Variants in BACE2 observed in about 807,000 individuals in gnomAD.
BACE2 encodes 56 kDa aspartic-like protease.
A neutral mutation model predicts 46.2 loss-of-function variants in BACE2; 17 were observed. The observed-to-expected ratio is 0.37, with a 90% CI of 0.25 to 0.55. BACE2 has a LOEUF of 0.55. BACE2 is among the 20% of genes least tolerant of loss of function. The pLI is 0.82. For synonymous variants in BACE2, 277 were observed against 295.9 expected, an observed-to-expected ratio of 0.94 and a Z score of 0.66; for missense variants, 595 against 698.1, an observed-to-expected ratio of 0.85 and a Z score of 1.66.
chr21:41,200,488 G>A lies in BACE2; in HGVS notation c.313-25778G>A, dbSNP rs188494932. Among the ~76,000 whole-genome samples, 10 of 152,264 alleles carry A rather than the reference G, an allele frequency of 6.6e-5. No individual in the cohort carries two copies. The East Asian group carries it at 1.9e-3, about 29-fold the overall frequency. Reference sequence around the variant, plus strand: ...GGATTAGGTGCACCCGTGAGGTCTTGGATTGTAACCCCATGTTCTGCAGGT... The same window carrying A: ...GGATTAGGTGCACCCGTGAGGTCTTAGATTGTAACCCCATGTTCTGCAGGT... On this transcript the variant is annotated intron_variant, in intron 1 of 8. Transcript: ENST00000330333.
At chr21:41,170,208 T>C (rs1401509458) in intron 1 of BACE2, among the ~76,000 whole-genome samples, 2 of 64,134 alleles carry the variant, frequency 3.1e-5, no homozygotes, top group Non-Finnish European at 5.6e-5. Flanking sequence ...TACTTAACTT[T>C]GGCAATCAAA....
intron 1 of BACE2, among the ~76,000 whole-genome samples, chr21:41,203,621 G>A (rs1362683964): frequency 6.6e-6 from 1 of 152,134 alleles, no homozygotes; most frequent in Non-Finnish European, 1.5e-5. Flanking sequence ...ATGCCTCTGG[G>A]CCCAGAGACA....
At chr21:41,240,905 A>T (rs1254878675) in intron 3 of BACE2, among the ~76,000 whole-genome samples, 1 of 152,210 alleles carries the variant, frequency 6.6e-6, no homozygotes, top group Non-Finnish European at 1.5e-5. Context: ...CGGATAGTAA[A>T]TAATCATTCC....
chr21:41,174,708 C>A (rs1208985520), intron 1 of BACE2, among the ~76,000 whole-genome samples: 2 of 152,124 alleles, frequency 1.3e-5, no homozygotes, highest in Non-Finnish European at 2.9e-5. Flanking sequence ...GGGTGGTGGT[C>A]CTCCTTGCTG....
chr21:41,265,529 A>T (rs1021479823), intron 8 of BACE2, among the ~76,000 whole-genome samples: 64 of 152,200 alleles, frequency 4.2e-4, no homozygotes, highest in African/African-American at 1.4e-3. Context: ...ATCTCGGTGT[A>T]GTTTTAATTT....
chr21:41,250,904 A>G lies in BACE2; in HGVS notation c.1134+3A>G, dbSNP rs1987619685. The G allele has an allele frequency of 1.2e-6, 2 of 1,613,878 alleles. No homozygotes were observed. The highest frequency in any genetic ancestry group is 1.7e-6 in the Non-Finnish European group (2 of 1,179,860). ...TCCGTATCACAATCCTGCCTCAGGT[A>G]TGAACTTGGATTTGTGCTTTGCTCT... On this transcript the variant is annotated splice_donor_region_variant and intron_variant, in intron 7 of 8. Transcript: ENST00000330333.
At chr21:41,195,443 C>T (rs922726877) in intron 1 of BACE2, among the ~76,000 whole-genome samples, 6 of 152,214 alleles carry the variant, frequency 3.9e-5, no homozygotes, top group East Asian at 1.9e-4. Context: ...ACACCAGCCA[C>T]GCCCAGGGTG....
chr21:41,177,868 C>A (rs528869799), intron 1 of BACE2: 2 of 152,602 alleles, frequency 1.3e-5, no homozygotes, highest in African/African-American at 4.8e-5. Flanking sequence ...TTCTGTGGCC[C>A]CACGATGCTG....
chr21:41,278,193 T>C lies in BACE2; in HGVS notation c.*2569T>C, dbSNP rs1265073843. 6.6e-6 allele frequency: 1 copy of C among 152,256 alleles called. No homozygotes were observed. The highest frequency in any genetic ancestry group is 1.5e-5 in the Non-Finnish European group (1 of 68,050). The allele number at this position is 152,256 out of a possible 1,614,324, so 9.4% of individuals were successfully genotyped here. ...AAGGTGCAACTTAGCATTAGGTTGT[T>C]ATCAGAAACCTTGTCAAGTCTGATG... is the stretch of plus-strand genomic sequence containing the variant. On this transcript the variant is annotated 3_prime_UTR_variant, in exon 9 of 9. Coordinates refer to ENST00000330333, the MANE Select transcript of BACE2 (RefSeq NM_012105.5).
chr21:41,274,037 G>T (rs1174133535), intron 8 of BACE2, among the ~76,000 whole-genome samples: 9 of 152,084 alleles, frequency 5.9e-5, no homozygotes, highest in Non-Finnish European at 1.3e-4. Flanking sequence ...TTTGTAAATG[G>T]AATTACTGCC....
chr21:41,257,345 GAACAGGGAT>G lies in BACE2; in HGVS notation c.1303+20_1303+28del, dbSNP rs1987819208. On this transcript the variant is annotated intron_variant, in intron 8 of 8. Transcript: ENST00000330333. ...TGTGCAGGTGAGCGATTCTGGCATCGAACAGGGATCCCCGACAAGAGTCCTTTATGTAAA... is the reference window on the plus strand; with the variant it reads ...TGTGCAGGTGAGCGATTCTGGCATCGCCCCGACAAGAGTCCTTTATGTAAA... 1.2e-6 allele frequency: 2 copies of G among 1,610,076 alleles called. No individual in the cohort carries two copies. The highest frequency in any genetic ancestry group is 1.7e-6 in the Non-Finnish European group (2 of 1,177,970).
intron 7 of BACE2, among the ~76,000 whole-genome samples, chr21:41,255,499 G>C (rs756391705): frequency 6.6e-6 from 1 of 152,208 alleles, no homozygotes; most frequent in Admixed American, 6.5e-5. Context: ...TGAAGAAAGC[G>C]TCCACACGGA....
chr21:41,215,196 G>C (rs115595608), intron 1 of BACE2, among the ~76,000 whole-genome samples: 4,677 of 152,278 alleles, frequency 0.031, 227 homozygotes, highest in African/African-American at 0.11. Context: ...GTGGCCCACT[G>C]CTGGATGCTT....
chr21:41,224,208 G>GGTTTTTT (rs1986739527), intron 1 of BACE2, among the ~76,000 whole-genome samples: 1 of 102,838 alleles, frequency 9.7e-6, no homozygotes, highest in African/African-American at 5.1e-5. Context: ...TGCCTATTTT[G>GGTTTTTT]ATTTTTTTTT....
chr21:41,242,925 AT>A (rs917618209), intron 4 of BACE2, among the ~76,000 whole-genome samples: 143 of 151,504 alleles, frequency 9.4e-4, no homozygotes, highest in African/African-American at 3.3e-3. Context: ...ATTTATTATT[AT>A]TTTTTTTAGA....
At chr21:41,272,700 G>C (rs182298997) in intron 8 of BACE2, among the ~76,000 whole-genome samples, 6 of 152,016 alleles carry the variant, frequency 3.9e-5, no homozygotes, top group Non-Finnish European at 8.8e-5. Flanking sequence ...GGCATCCTGA[G>C]TAGAATACAG....
At chr21:41,259,798 CTTTCTTTTGTTTTCTTTTT>C (rs957618967) in intron 8 of BACE2, among the ~76,000 whole-genome samples, 5 of 151,538 alleles carry the variant, frequency 3.3e-5, no homozygotes, top group African/African-American at 9.7e-5. Context: ...CAGTTTCTTT[CTTTCTTTTGTTTTCTTTTT>C]TTTCTTTTTT....
rs1400164269 is a variant in BACE2, at chr21:41,179,510, TGAGTGAGGGTGTCCAGGGTGAG to T, written c.312+10949_312+10970del. The stretch of plus-strand genomic sequence containing the variant: ...GGGTGAGGAGTGACGGTGTCTGGGG[TGAGTGAGGGTGTCCAGGGTGAG>T]GAGTGAGGGTGTCAGGGTGAGTGAG... On this transcript the variant is annotated intron_variant, in intron 1 of 8. Transcript: ENST00000330333. The T allele has an allele frequency of 3.9e-6, 5 of 1,275,146 alleles. No homozygotes were observed. In the African/African-American group the frequency reaches 9.0e-5, roughly 23 times the overall value. The allele number at this position is 1,275,146 out of a possible 1,614,324, so 79.0% of individuals were successfully genotyped here. A position where few individuals can be genotyped will look rare whatever the true frequency, so the allele number is the denominator to read the frequency against.
rs144000008 is a variant in BACE2, at chr21:41,205,477, G to T, written c.313-20789G>T. On this transcript the variant is annotated intron_variant, in intron 1 of 8. Transcript: ENST00000330333. The stretch of plus-strand genomic sequence containing the variant: ...AATTGCAAGGCCATTCAGCAGGTCA[G>T]TTTTAAATACAATATGATTATTATT... Among the ~76,000 whole-genome samples, 107 of 152,310 alleles carry T rather than the reference G, an allele frequency of 7.0e-4. No homozygotes were observed. In the East Asian group the frequency reaches 0.018, roughly 25 times the overall value.
Sources: allele counts gnomAD v4.1 joint callset (sites outside exome capture counted in the v4.1 genomes callset), GRCh38; gene constraint gnomAD v4.1.1; transcripts MANE v1.5; gene names NCBI Gene and HGNC (gene_info 2026-07-23, HGNC 2026-07-21).